SFSWAP: variants seen among roughly 807,000 people sequenced by gnomAD.
SFSWAP encodes splicing factor, suppressor of white-apricot homolog.
SFSWAP carries 17 observed loss-of-function variants against 100.7 expected under a neutral mutation model. That is an observed-to-expected ratio of 0.17 (90% confidence interval 0.12 to 0.25). The LOEUF (loss-of-function observed/expected upper bound fraction) is 0.25, where lower values mean the gene tolerates loss of function less well. Ranked by LOEUF, SFSWAP falls within the 10% of genes least tolerant of loss-of-function variation. The pLI, the probability that SFSWAP is intolerant of heterozygous loss-of-function variation, is 1.00. For synonymous variants in SFSWAP, 504 were observed against 510.1 expected (o/e 0.99, Z 0.16); for missense variants, 1,005 against 1,262.6 (o/e 0.80, Z 3.09).
chr12:131,754,279 C>T lies in SFSWAP; in HGVS notation c.1323-89C>T, dbSNP rs376044251. 9.7e-5 allele frequency: 97 copies of T among 995,862 alleles called. No homozygotes were observed. The Middle Eastern group carries it at 1.4e-3, about 14-fold the overall frequency. The allele number at this position is 995,862 out of a possible 1,614,324, so 61.7% of individuals were successfully genotyped here. A position where few individuals can be genotyped will look rare whatever the true frequency, so the allele number is the denominator to read the frequency against. On this transcript the variant is annotated intron_variant, in intron 8 of 17. Coordinates refer to ENST00000261674, the MANE Select transcript of SFSWAP (RefSeq NM_004592.4). Reference sequence around the variant, plus strand: ...TTTATAACTCACATGTCTCTCCGGGCATCTGAGGCGGTGAGGACCCCCGAG... The same window carrying T: ...TTTATAACTCACATGTCTCTCCGGGTATCTGAGGCGGTGAGGACCCCCGAG...
At chr12:131,718,101 G>A (rs1013293373) in intron 3 of SFSWAP, among the ~76,000 whole-genome samples, 3 of 152,310 alleles carry the variant, frequency 2.0e-5, no homozygotes, top group Non-Finnish European at 4.4e-5. Flanking sequence ...ACAAATGGAT[G>A]GGACGGTGTT....
At chr12:131,737,188 G>C (rs1384841375) in intron 7 of SFSWAP, among the ~76,000 whole-genome samples, 3 of 152,204 alleles carry the variant, frequency 2.0e-5, no homozygotes, top group Non-Finnish European at 4.4e-5. Context: ...CCACCGGAAT[G>C]GCTCTTCCTG....
At chr12:131,751,489 A>G (rs775849592) in intron 7 of SFSWAP, among the ~76,000 whole-genome samples, 2 of 152,214 alleles carry the variant, frequency 1.3e-5, no homozygotes, top group Non-Finnish European at 2.9e-5. Flanking sequence ...AGCTAAGCAC[A>G]CACTGGGCTG....
At chr12:131,773,433 G>A (rs1376484990) in intron 13 of SFSWAP, among the ~76,000 whole-genome samples, 2 of 151,566 alleles carry the variant, frequency 1.3e-5, no homozygotes, top group Non-Finnish European at 2.9e-5. Flanking sequence ...TTGACCTCCC[G>A]GCCTGAAGCA....
In SFSWAP at chr12:131,714,285, T is replaced by C. The variant is rs1470397444; in HGVS notation, c.388+45T>C. ...TACTTCAGCAACAAACTTTTTAAAA[T>C]TTTTAAGTATTTAAAAATTTACTCC... On this transcript the variant is annotated intron_variant, in intron 2 of 17. Transcript: ENST00000261674. The surrounding 1 kb of genome is among the most constrained non-coding windows in gnomAD (Gnocchi z 6.0). The C allele has an allele frequency of 1.3e-6, 2 of 1,501,066 alleles. No individual in the cohort carries two copies. Among genetic ancestry groups the C allele is most frequent in the Non-Finnish European group, 1.8e-6 (2 of 1,110,786 alleles). The allele number at this position is 1,501,066 out of a possible 1,614,324, so 93.0% of individuals were successfully genotyped here. A position where few individuals can be genotyped will look rare whatever the true frequency, so the allele number is the denominator to read the frequency against.
chr12:131,763,995 G>A lies in SFSWAP; in HGVS notation c.1721-461G>A, dbSNP rs376947783. 3.9e-5 allele frequency among the ~76,000 whole-genome samples: 6 copies of A among 152,150 alleles called. No individual in the cohort carries two copies. The South Asian group carries it at 6.2e-4, about 16-fold the overall frequency. On this transcript the variant is annotated intron_variant, in intron 11 of 17. Transcript: ENST00000261674. ...GAAAAATTTAGCCAGGCATGGCAGC[G>A]GGCGCCTGTACTCCCAGCTACTCAG...
chr12:131,745,462 C>T (rs1881018735), intron 7 of SFSWAP, among the ~76,000 whole-genome samples: 2 of 152,160 alleles, frequency 1.3e-5, no homozygotes, highest in African/African-American at 4.8e-5. Context: ...TCTAGAGGAC[C>T]TTGAAGGTTT....
chr12:131,713,856 GTTTGT>G (rs1877629288), intron 1 of SFSWAP: 1 of 359,826 alleles, frequency 2.8e-6, no homozygotes, highest in Non-Finnish European at 4.9e-6. Flanking sequence ...GGAATTTAGA[GTTTGT>G]TAAGATAACT....
intron 16 of SFSWAP, among the ~76,000 whole-genome samples, chr12:131,797,805 C>T (rs1251531730): frequency 3.9e-5 from 6 of 152,252 alleles, no homozygotes; most frequent in African/African-American, 7.2e-5. Flanking sequence ...GCAGCACAGA[C>T]GTGGGCGTCC....
Position 131,794,999 on chromosome 12 carries a change from A to G in SFSWAP, c.2535-2179A>G, listed in dbSNP as rs1014598071. 6.6e-6 allele frequency among the ~76,000 whole-genome samples: 1 copy of G among 152,204 alleles called. No homozygotes were observed. The highest frequency in any genetic ancestry group is 6.5e-5 in the Admixed American group (1 of 15,284). On this transcript the variant is annotated intron_variant, in intron 15 of 17. Coordinates refer to ENST00000261674, the MANE Select transcript of SFSWAP (RefSeq NM_004592.4). This position sits in a 1 kb window ranked among gnomAD's most constrained non-coding sequence, Gnocchi z 4.8. ...TTGGACACATGTCACATGCTGGTAT[A>G]TGTTTTATTTATTTGCCGCTTCCTT... is the stretch of plus-strand genomic sequence containing the variant.
At chr12:131,735,070 T>G (rs938960046) in intron 7 of SFSWAP, among the ~76,000 whole-genome samples, 6 of 152,176 alleles carry the variant, frequency 3.9e-5, no homozygotes, top group African/African-American at 1.4e-4. Context: ...CCACAGGCAC[T>G]CGGACTCCAG....
chr12:131,783,821 T>TATATATATATATATAA (rs57488564), intron 14 of SFSWAP: 1 of 131,656 alleles, frequency 7.6e-6, no homozygotes, highest in African/African-American at 2.7e-5. Flanking sequence ...TATATATATA[T>TATATATATATATATAA]AATTCTTTGT....
chr12:131,753,077 A>T, intron 7 of SFSWAP, 46 bp from the exon 8 acceptor site: 2 of 1,606,670 alleles, frequency 1.2e-6, no homozygotes, highest in Non-Finnish European at 1.7e-6. Flanking sequence ...CTCATGGACC[A>T]GCCTGTGGCC....
intron 7 of SFSWAP, among the ~76,000 whole-genome samples, chr12:131,747,870 G>A (rs963348462): frequency 2.0e-5 from 3 of 152,212 alleles, no homozygotes; most frequent in Non-Finnish European, 4.4e-5. Context: ...GCTCAGGGCT[G>A]GAGAAGTGAA....
chr12:131,766,243 A>G lies in SFSWAP; in HGVS notation c.2077A>G (p.Thr693Ala). The G allele has an allele frequency of 6.2e-7, 1 of 1,614,170 alleles. No homozygotes were observed. The highest frequency in any genetic ancestry group is 1.7e-5 in the Admixed American group (1 of 60,016). Residue 693 changes from threonine (T) to alanine (A), a missense_variant, in exon 13 of 18, where the codon ACC (threonine) becomes GCC (alanine). By Grantham distance (58) the Thr-to-Ala change is moderately conservative. Around this residue, in one of 7 missense-constraint regions of SFSWAP, gnomAD observed 295 missense variants for 347.9 expected, o/e 0.85. Transcript: ENST00000261674. ...AAGGAAAGCGGCGTTATTTTTACAG[A>G]CCCTCAAAAATCCTCTGCCGGAAGC... ...RKRKAALFLQ[T>A]LKNPLPEAEA... is the part of the protein sequence containing the mutation.
chr12:131,777,431 A>C (rs1212806474), intron 13 of SFSWAP, among the ~76,000 whole-genome samples: 1 of 152,118 alleles, frequency 6.6e-6, no homozygotes, highest in East Asian at 1.9e-4. Context: ...GCTGAGAATG[A>C]TGGTTTCCAG....
chr12:131,761,499 T>C (rs1315353627), intron 11 of SFSWAP, among the ~76,000 whole-genome samples: 1 of 152,042 alleles, frequency 6.6e-6, no homozygotes, highest in Non-Finnish European at 1.5e-5. Flanking sequence ...GGGCCGATCC[T>C]TGAAGAATGT....
chr12:131,756,892 G>T, intron 11 of SFSWAP: 1 of 430,232 alleles, frequency 2.3e-6, no homozygotes, highest in Admixed American at 4.0e-5. Flanking sequence ...TCAGTGTACT[G>T]GACATTTGTA....
At position 131,725,114 on chromosome 12, in the gene SFSWAP, A is replaced by T. The variant is rs953324630; in HGVS notation, c.607-291A>T. Among the ~76,000 whole-genome samples the T allele has an allele frequency of 6.6e-6, 1 of 152,172 alleles. No homozygotes were observed. Among genetic ancestry groups the T allele is most frequent in the Non-Finnish European group, 1.5e-5 (1 of 68,040 alleles). On this transcript the variant is annotated intron_variant, in intron 4 of 17. Transcript: ENST00000261674. The surrounding 1 kb of genome is among the most constrained non-coding windows in gnomAD (Gnocchi z 4.3). ...ACAAACCCCCTGAATTCCATCATAG[A>T]GCTGAACTTAAATATATAGAAAAAT...
Sources: gnomAD v4.1 joint callset for allele counts (sites outside exome capture counted in the v4.1 genomes callset) on GRCh38, gnomAD v4.1.1 for gene constraint, gnomAD v4.1.1 regional missense constraint, Gnocchi (gnomAD v3.1) non-coding constraint, MANE v1.5 for transcripts, NCBI Gene and HGNC (gene_info 2026-07-23, HGNC 2026-07-21) for gene names.